MAPRE3: variants seen among roughly 807,000 people sequenced by gnomAD.
The protein encoded by MAPRE3 is microtubule associated protein RP/EB family member 3, also known as microtubule-associated protein RP/EB family member 3.
Under a neutral mutation model 30.5 loss-of-function variants are expected in MAPRE3, and 2 were observed. That is an observed-to-expected ratio of 0.07 (90% confidence interval 0.03 to 0.21). The LOEUF is 0.21. Ranked by LOEUF, MAPRE3 falls within the 10% of genes least tolerant of loss-of-function variation. MAPRE3 has a pLI of 1.00. For synonymous variants in MAPRE3, 110 were observed against 127.7 expected (o/e 0.86, Z 0.93); for missense variants, 204 against 351.8 (o/e 0.58, Z 3.36).
intron 1 of MAPRE3, among the ~76,000 whole-genome samples, chr2:26,998,738 A>G (rs1016824491): frequency 2.0e-5 from 3 of 152,242 alleles, no homozygotes; most frequent in Admixed American, 1.3e-4. Flanking sequence ...CCCAGCCCAG[A>G]GGAACAGGCT....
chr2:26,973,196 A>G (rs1665947000), intron 1 of MAPRE3, among the ~76,000 whole-genome samples: 1 of 152,206 alleles, frequency 6.6e-6, no homozygotes, highest in African/African-American at 2.4e-5. Flanking sequence ...GACTTGAGGG[A>G]GGGATTTGTG....
intron 1 of MAPRE3, among the ~76,000 whole-genome samples, chr2:26,991,245 C>T (rs1459958804): frequency 6.6e-6 from 1 of 151,994 alleles, no homozygotes; most frequent in East Asian, 1.9e-4. Flanking sequence ...CAGAGTGAGA[C>T]TCCATCCCAA....
At chr2:27,010,962 C>T (rs1019331013) in intron 1 of MAPRE3, among the ~76,000 whole-genome samples, 1 of 152,160 alleles carries the variant, frequency 6.6e-6, no homozygotes, top group African/African-American at 2.4e-5. Context: ...CAAAATGACT[C>T]AGAGTTTCAT....
At chr2:26,975,560 A>T (rs192615729) in intron 1 of MAPRE3, among the ~76,000 whole-genome samples, 4 of 151,606 alleles carry the variant, frequency 2.6e-5, no homozygotes, top group African/African-American at 9.8e-5. Context: ...ACATCTAAAG[A>T]TTGAAAAGAA....
intron 1 of MAPRE3, among the ~76,000 whole-genome samples, chr2:26,975,906 G>C (rs1052426477): frequency 6.6e-6 from 1 of 152,126 alleles, no homozygotes; most frequent in Non-Finnish European, 1.5e-5. Context: ...GGTCAGCCCA[G>C]GGTACTTAAC....
intron 1 of MAPRE3, among the ~76,000 whole-genome samples, chr2:26,978,551 C>T (rs994164905): frequency 2.0e-5 from 3 of 152,198 alleles, no homozygotes; most frequent in African/African-American, 7.2e-5. Flanking sequence ...TCAGTTTAGG[C>T]ATCCTATTAA....
At chr2:27,014,756 A>T (rs1366753509) in intron 1 of MAPRE3, 3 of 152,190 alleles carry the variant, frequency 2.0e-5, no homozygotes, top group Non-Finnish European at 4.4e-5. Flanking sequence ...ACCTGCACAT[A>T]CTGCCTCCAT....
At chr2:26,980,137 G>C (rs922629846) in intron 1 of MAPRE3, among the ~76,000 whole-genome samples, 4 of 152,196 alleles carry the variant, frequency 2.6e-5, no homozygotes, top group Admixed American at 2.6e-4. Context: ...TCAGCAGCAA[G>C]GGAAGAGAAA....
At position 27,024,136 on chromosome 2, in the gene MAPRE3, A is replaced by G; in HGVS notation, c.308A>G (p.Asp103Gly). The stretch of plus-strand genomic sequence containing the variant: ...AAATTAGTGAAAGGAAAATTCCAAG[A>G]TAATTTTGAGTTTATTCAGTGGTTT... ...VEKLVKGKFQ[D>G]NFEFIQWFKK... is the part of the protein sequence containing the mutation. The change falls in exon 4 of 7, where the codon GAT (aspartate) becomes GGT (glycine). Residue 103 changes from aspartate to glycine, a missense_variant. Coordinates refer to ENST00000233121, the MANE Select transcript of MAPRE3 (RefSeq NM_012326.4). The G allele has an allele frequency of 1.2e-6, 2 of 1,614,022 alleles. No homozygotes were observed. Among genetic ancestry groups the G allele is most frequent in the Non-Finnish European group, 1.7e-6 (2 of 1,179,830 alleles).
intron 1 of MAPRE3, among the ~76,000 whole-genome samples, chr2:26,995,831 A>ATGTG (rs1323254577): frequency 3.7e-5 from 3 of 80,694 alleles, no homozygotes; most frequent in Admixed American, 1.3e-4. Context: ...GTGTGTGTGT[A>ATGTG]TGTGTGTGTG....
chr2:27,009,307 A>ACAT (rs1666799123), intron 1 of MAPRE3, among the ~76,000 whole-genome samples: 1 of 152,242 alleles, frequency 6.6e-6, no homozygotes, highest in Non-Finnish European at 1.5e-5. Context: ...AAGCTGGATG[A>ACAT]GTAGACATGA....
intron 1 of MAPRE3, chr2:27,012,337 C>T (rs1376748971): frequency 6.6e-6 from 1 of 152,220 alleles, no homozygotes; most frequent in Non-Finnish European, 1.5e-5. Context: ...CCTTCCTGCA[C>T]CAGTGTGGTG....
At chr2:27,011,313 A>G (rs1338517677) in intron 1 of MAPRE3, among the ~76,000 whole-genome samples, 1 of 152,072 alleles carries the variant, frequency 6.6e-6, no homozygotes, top group African/African-American at 2.4e-5. Flanking sequence ...TCCCCCTCTC[A>G]TCTTTTTCAT....
At chr2:26,987,402 T>G (rs1335357020) in intron 1 of MAPRE3, among the ~76,000 whole-genome samples, 1 of 152,104 alleles carries the variant, frequency 6.6e-6, no homozygotes, top group African/African-American at 2.4e-5. Flanking sequence ...TTTGGGAGGC[T>G]GAGGCAGGTG....
chr2:26,972,610 A>T (rs1163237088), intron 1 of MAPRE3, among the ~76,000 whole-genome samples: 3 of 152,124 alleles, frequency 2.0e-5, no homozygotes, highest in Non-Finnish European at 4.4e-5. Flanking sequence ...AGCTCACCAA[A>T]ATACCCGAGC....
At chr2:26,975,424 C>G (rs1355550795) in intron 1 of MAPRE3, among the ~76,000 whole-genome samples, 1 of 152,162 alleles carries the variant, frequency 6.6e-6, no homozygotes, top group Non-Finnish European at 1.5e-5. Flanking sequence ...GAGAGAATTA[C>G]AGACTGGCTC....
chr2:26,991,790 A>G (rs1238731549), intron 1 of MAPRE3, among the ~76,000 whole-genome samples: 1 of 152,192 alleles, frequency 6.6e-6, no homozygotes, highest in African/African-American at 2.4e-5. Context: ...TCAGATTCTC[A>G]GACTCCAAAT....
intron 1 of MAPRE3, among the ~76,000 whole-genome samples, chr2:27,019,401 C>A (rs112966424): frequency 6.6e-6 from 1 of 151,412 alleles, no homozygotes; most frequent in African/African-American, 2.4e-5. Context: ...GGGACCCAGG[C>A]CAGAAGGTGA....
In MAPRE3 at chr2:27,000,785, G is replaced by T. The variant is rs143240804; in HGVS notation, c.-7-21427G>T. ...CCTAGTTAGAAGCCAGTGGGACCTT[G>T]TAAAACCAGGGCTCCAGCTGGGAAG... On this transcript the variant is annotated intron_variant, in intron 1 of 6. Transcript: ENST00000233121. Among the ~76,000 whole-genome samples, 1,266 of 152,360 alleles carry T rather than the reference G, an allele frequency of 8.3e-3. 18 individuals are homozygous for T. Among genetic ancestry groups the T allele is most frequent in the African/African-American group, 0.03 (1,233 of 41,582 alleles).
Sources: gnomAD v4.1 joint callset for allele counts (sites outside exome capture counted in the v4.1 genomes callset) on GRCh38, gnomAD v4.1.1 for gene constraint, MANE v1.5 for transcripts, NCBI Gene and HGNC (gene_info 2026-07-23, HGNC 2026-07-21) for gene names.